DYNC1I1: variants seen among roughly 807,000 people sequenced by gnomAD.
The protein encoded by DYNC1I1 is dynein cytoplasmic 1 intermediate chain 1, also known as cytoplasmic dynein 1 intermediate chain 1.
DYNC1I1 carries 43 observed loss-of-function variants against 86.6 expected under a neutral mutation model. That is an observed-to-expected ratio of 0.50 (90% confidence interval 0.39 to 0.64). The LOEUF (loss-of-function observed/expected upper bound fraction) is 0.64. Ranked by LOEUF, DYNC1I1 falls within the 30% of genes least tolerant of loss-of-function variation. The probability of loss-of-function intolerance (pLI) is 0.00; values close to 1 mark genes in which losing one functional copy is unlikely to be tolerated. For synonymous variants in DYNC1I1, 262 were observed against 283.7 expected (o/e 0.92, Z 0.77); for missense variants, 604 against 788.8 (o/e 0.77, Z 2.81).
At chr7:96,002,174 C>A (rs1445817452) in intron 10 of DYNC1I1, among the ~76,000 whole-genome samples, 1 of 152,154 alleles carries the variant, frequency 6.6e-6, no homozygotes, top group Non-Finnish European at 1.5e-5. Context: ...TTTTCCCCAA[C>A]CCCAACCATG....
chr7:95,961,986 C>A (rs1792882969), intron 6 of DYNC1I1, among the ~76,000 whole-genome samples: 1 of 152,126 alleles, frequency 6.6e-6, no homozygotes, highest in Non-Finnish European at 1.5e-5. Context: ...CATGATGTGC[C>A]CAGGTTGGCT....
At position 96,002,830 on chromosome 7, in the gene DYNC1I1, T is replaced by G. The variant is rs534851185; in HGVS notation, c.969+6757T>G. Among the ~76,000 whole-genome samples, 29 of 146,830 alleles carry G rather than the reference T, an allele frequency of 2.0e-4. No homozygotes were observed. In the East Asian group the frequency reaches 3.7e-3, roughly 19 times the overall value. ...TTTTTGGTTTTGGTTTTTTTTTGGG[T>G]TTTTTTTGTGTTTTTTTTGTTTGTT... On this transcript the variant is annotated intron_variant, in intron 10 of 16. Transcript: ENST00000447467.
intron 5 of DYNC1I1, among the ~76,000 whole-genome samples, chr7:95,868,637 A>G (rs776443354): frequency 2.6e-5 from 4 of 152,166 alleles, no homozygotes; most frequent in African/African-American, 4.8e-5. Flanking sequence ...CAATACTAAT[A>G]ACATAATAAC....
intron 1 of DYNC1I1, among the ~76,000 whole-genome samples, chr7:95,801,436 T>C (rs1794575175): frequency 6.6e-6 from 1 of 152,186 alleles, no homozygotes; most frequent in Non-Finnish European, 1.5e-5. Context: ...TCATAACAAA[T>C]ACAAGACTTT....
At chr7:95,912,000 G>A (rs150586662) in intron 6 of DYNC1I1, among the ~76,000 whole-genome samples, 2 of 152,236 alleles carry the variant, frequency 1.3e-5, no homozygotes, top group African/African-American at 4.8e-5. Flanking sequence ...AACTTTTTAA[G>A]GCTGCTTGTT....
intron 16 of DYNC1I1, among the ~76,000 whole-genome samples, chr7:96,092,860 A>G (rs1033960213): frequency 2.0e-5 from 3 of 152,182 alleles, no homozygotes; most frequent in Non-Finnish European, 4.4e-5. Flanking sequence ...CAATCTTTAC[A>G]ATCTTTGAGC....
At chr7:95,810,766 T>C (rs1794813067) in intron 3 of DYNC1I1, among the ~76,000 whole-genome samples, 1 of 152,152 alleles carries the variant, frequency 6.6e-6, no homozygotes, top group Non-Finnish European at 1.5e-5. Flanking sequence ...GTGTTACTAG[T>C]AGATTATTTT....
At chr7:95,992,094 AGG>A (rs1214562436) in intron 9 of DYNC1I1, among the ~76,000 whole-genome samples, 30 of 152,056 alleles carry the variant, frequency 2.0e-4, no homozygotes, top group African/African-American at 7.2e-4. Flanking sequence ...TCCTGACCTC[AGG>A]TGATCCACCC....
chr7:95,944,197 A>T (rs1224095656), intron 6 of DYNC1I1, among the ~76,000 whole-genome samples: 1 of 152,256 alleles, frequency 6.6e-6, no homozygotes, highest in African/African-American at 2.4e-5. Context: ...AAACAACTCC[A>T]TCAAAAAGTG....
At chr7:95,952,749 C>G (rs1021060970) in intron 6 of DYNC1I1, among the ~76,000 whole-genome samples, 2 of 152,086 alleles carry the variant, frequency 1.3e-5, no homozygotes, top group Non-Finnish European at 2.9e-5. Flanking sequence ...TAAAAAAAAG[C>G]TTCAATATGT....
chr7:96,101,517 T>C (rs546224234), downstream of DYNC1I1, among the ~76,000 whole-genome samples: 2 of 152,302 alleles, frequency 1.3e-5, no homozygotes, highest in African/African-American at 4.8e-5. Context: ...CAGGTGAATA[T>C]ACAATGCAGA....
intron 6 of DYNC1I1, among the ~76,000 whole-genome samples, chr7:95,922,103 T>G (rs1791624770): frequency 6.6e-6 from 1 of 152,198 alleles, no homozygotes; most frequent in South Asian, 2.1e-4. Flanking sequence ...AACTGGAATT[T>G]CAATGACACA....
chr7:95,817,419 G>A (rs1794971781), intron 4 of DYNC1I1, among the ~76,000 whole-genome samples: 1 of 152,094 alleles, frequency 6.6e-6, no homozygotes, highest in Admixed American at 6.6e-5. Flanking sequence ...AACAGTAGTT[G>A]ATATGAGTGA....
At chr7:95,930,881 T>C (rs565533632) in intron 6 of DYNC1I1, among the ~76,000 whole-genome samples, 21 of 152,298 alleles carry the variant, frequency 1.4e-4, no homozygotes, top group Non-Finnish European at 2.4e-4. Flanking sequence ...AGTGGGATTC[T>C]GCCCCCATTG....
chr7:95,915,446 AT>A (rs1235142539), intron 6 of DYNC1I1, among the ~76,000 whole-genome samples: 1 of 152,206 alleles, frequency 6.6e-6, no homozygotes, highest in African/African-American at 2.4e-5. Flanking sequence ...ATTGAAGCAT[AT>A]TTATGTTTTA....
intron 2 of DYNC1I1, among the ~76,000 whole-genome samples, chr7:95,805,728 T>G (rs1224082020): frequency 6.6e-6 from 1 of 152,148 alleles, no homozygotes; most frequent in Non-Finnish European, 1.5e-5. Context: ...ATACCAAAGA[T>G]ATTTTTGAAT....
chr7:96,057,123 C>T (rs142170559), intron 14 of DYNC1I1, among the ~76,000 whole-genome samples: 180 of 152,234 alleles, frequency 1.2e-3, no homozygotes, highest in African/African-American at 4.1e-3. Context: ...GTAGGAACTC[C>T]AGGGAGAATT....
At chr7:95,807,013 A>G (rs375578453) in intron 2 of DYNC1I1, among the ~76,000 whole-genome samples, 4 of 152,070 alleles carry the variant, frequency 2.6e-5, no homozygotes, top group African/African-American at 9.7e-5. Context: ...TGTAAAATGG[A>G]GAAAGGAATG....
intron 6 of DYNC1I1, among the ~76,000 whole-genome samples, chr7:95,882,602 T>G (rs957802507): frequency 6.6e-6 from 1 of 152,224 alleles, no homozygotes; most frequent in Non-Finnish European, 1.5e-5. Flanking sequence ...GTAACACATC[T>G]TCCAGTAATC....
Sources: allele counts gnomAD v4.1 joint callset (sites outside exome capture counted in the v4.1 genomes callset), GRCh38; gene constraint gnomAD v4.1.1; transcripts MANE v1.5; gene names NCBI Gene and HGNC (gene_info 2026-07-23, HGNC 2026-07-21).